Variants in KLHL29 observed in about 807,000 individuals in gnomAD.
The protein encoded by KLHL29 is kelch-like protein 29.
A neutral mutation model predicts 80.4 loss-of-function variants in KLHL29; 21 were observed. That is an observed-to-expected ratio of 0.26 (90% CI 0.19 to 0.38). The LOEUF (loss-of-function observed/expected upper bound fraction) is 0.38. Among genes scored for constraint, KLHL29 ranks in the 10% least tolerant of loss-of-function variants. KLHL29 has a pLI of 1.00. For synonymous variants in KLHL29, 511 were observed against 526.8 expected, an observed-to-expected ratio of 0.97 and a Z score of 0.41; for missense variants, 867 against 1,223.9, an observed-to-expected ratio of 0.71 and a Z score of 4.35.
chr2:23,602,280 C>A (rs547351991), intron 3 of KLHL29, among the ~76,000 whole-genome samples: 1 of 152,328 alleles, frequency 6.6e-6, no homozygotes, highest in African/African-American at 2.4e-5. Flanking sequence ...CGTCCCAGCA[C>A]CCCCCTGCCC....
chr2:23,650,036 C>T (rs1443609228), intron 5 of KLHL29, among the ~76,000 whole-genome samples: 1 of 152,234 alleles, frequency 6.6e-6, no homozygotes, highest in Non-Finnish European at 1.5e-5. Flanking sequence ...GGCTTCTCTC[C>T]TGAGCCAGGC....
intron 3 of KLHL29, among the ~76,000 whole-genome samples, chr2:23,609,727 TACA>T (rs1392265684): frequency 6.6e-6 from 1 of 152,190 alleles, no homozygotes; most frequent in Non-Finnish European, 1.5e-5. Context: ...CAGAGCCTAC[TACA>T]AGCACTTTGC....
intron 1 of KLHL29, among the ~76,000 whole-genome samples, chr2:23,459,779 A>C (rs1391585147): frequency 6.6e-6 from 1 of 152,162 alleles, no homozygotes; most frequent in East Asian, 1.9e-4. Flanking sequence ...CCAGTGTTGA[A>C]AGCTTCTGGG....
intron 1 of KLHL29, among the ~76,000 whole-genome samples, chr2:23,434,139 G>A (rs1463220722): frequency 1.3e-5 from 2 of 151,976 alleles, no homozygotes; most frequent in Non-Finnish European, 2.9e-5. Context: ...GGCTAACACG[G>A]TGAAACCCCG....
At chr2:23,587,245 C>CTTTTTT (rs34675398) in intron 3 of KLHL29, among the ~76,000 whole-genome samples, 1 of 146,766 alleles carries the variant, frequency 6.8e-6, no homozygotes, top group South Asian at 2.2e-4. Context: ...GGCCAATTTA[C>CTTTTTT]TTTTTTTTTT....
At chr2:23,403,894 TG>T (rs1364790684) in intron 1 of KLHL29, among the ~76,000 whole-genome samples, 2 of 151,844 alleles carry the variant, frequency 1.3e-5, no homozygotes, top group Non-Finnish European at 2.9e-5. Context: ...CCAGAAGAGG[TG>T]GGGGGTAGCT....
chr2:23,674,826 G>A (rs1022878062), intron 5 of KLHL29, among the ~76,000 whole-genome samples: 2 of 151,906 alleles, frequency 1.3e-5, no homozygotes, highest in African/African-American at 4.8e-5. Context: ...CCCCTGGTGG[G>A]GCCAACTACC....
chr2:23,467,728 T>C (rs1664389835), intron 1 of KLHL29, among the ~76,000 whole-genome samples: 1 of 152,210 alleles, frequency 6.6e-6, no homozygotes, highest in Non-Finnish European at 1.5e-5. Context: ...GATTTTGGTT[T>C]ACCAATCGCT....
rs961123618 is a variant in KLHL29, at chr2:23,693,608, AG to A, written c.1542+82del. The A allele has an allele frequency of 6.3e-6, 9 of 1,418,652 alleles. No individual in the cohort carries two copies. The African/African-American group carries it at 9.9e-5, about 16-fold the overall frequency. 87.9% of individuals were successfully genotyped at this position (1,418,652 alleles called of 1,614,324 possible). On this transcript the variant is annotated intron_variant, in intron 8 of 13. Coordinates refer to ENST00000486442, the MANE Select transcript of KLHL29 (RefSeq NM_052920.2). ...GCAATGGGGTCTGCAGCAAGGAGGA[AG>A]GAAGTGAACCTTCCTTGTCCTGCTC...
At chr2:23,485,486 C>T (rs1478224986) in intron 2 of KLHL29, among the ~76,000 whole-genome samples, 2 of 152,190 alleles carry the variant, frequency 1.3e-5, no homozygotes, top group Non-Finnish European at 2.9e-5. Context: ...CCCCTGGGGA[C>T]ATGGTGCACC....
chr2:23,633,091 A>G (rs1669511980), intron 3 of KLHL29, among the ~76,000 whole-genome samples: 1 of 152,202 alleles, frequency 6.6e-6, no homozygotes, highest in African/African-American at 2.4e-5. Flanking sequence ...GGATGGGCAC[A>G]CCAAAGCTTG....
intron 1 of KLHL29, among the ~76,000 whole-genome samples, chr2:23,399,790 T>G (rs1335326307): frequency 1.3e-5 from 2 of 152,220 alleles, no homozygotes; most frequent in African/African-American, 4.8e-5. Context: ...GGTTTATGCC[T>G]GTTCTCGATG....
intron 1 of KLHL29, among the ~76,000 whole-genome samples, chr2:23,414,615 A>G (rs1023856172): frequency 6.6e-6 from 1 of 152,144 alleles, no homozygotes; most frequent in East Asian, 1.9e-4. Context: ...TTTCCCCCAA[A>G]GGTATGGGGA....
Position 23,680,298 on chromosome 2 carries a change from A to C in KLHL29, c.941-4101A>C, listed in dbSNP as rs563092650. ...AAGGCCTGCGGATTGCGGGCAGTGGACCGTCTTCCACGGGAAGAGGAGCTC... is the reference window on the plus strand; with the variant it reads ...AAGGCCTGCGGATTGCGGGCAGTGGCCCGTCTTCCACGGGAAGAGGAGCTC... On this transcript the variant is annotated intron_variant, in intron 5 of 13. Coordinates refer to ENST00000486442, the MANE Select transcript of KLHL29 (RefSeq NM_052920.2). The surrounding 1 kb of genome is among the most constrained non-coding windows in gnomAD (Gnocchi z 4.1). 6.6e-6 allele frequency among the ~76,000 whole-genome samples: 1 copy of C among 152,094 alleles called. No homozygotes were observed. Among genetic ancestry groups the C allele is most frequent in the Non-Finnish European group, 1.5e-5 (1 of 67,980 alleles).
At chr2:23,414,901 A>T (rs1003834908) in intron 1 of KLHL29, among the ~76,000 whole-genome samples, 1 of 152,262 alleles carries the variant, frequency 6.6e-6, no homozygotes, top group Non-Finnish European at 1.5e-5. Context: ...AACAGAAACC[A>T]ATCCTGGGTA....
At chr2:23,435,112 A>G (rs921414582) in intron 1 of KLHL29, among the ~76,000 whole-genome samples, 1 of 152,190 alleles carries the variant, frequency 6.6e-6, no homozygotes, top group Non-Finnish European at 1.5e-5. Context: ...ATGTGAATTC[A>G]CTGGGGAAAG....
intron 5 of KLHL29, among the ~76,000 whole-genome samples, chr2:23,676,834 C>G (rs577346555): frequency 6.6e-6 from 1 of 152,224 alleles, no homozygotes; most frequent in South Asian, 2.1e-4. Context: ...GTCATAGAAG[C>G]CTGCAGGAGC....
intron 5 of KLHL29, among the ~76,000 whole-genome samples, chr2:23,656,168 G>A (rs979747982): frequency 1.2e-4 from 19 of 152,216 alleles, no homozygotes; most frequent in African/African-American, 3.9e-4. Flanking sequence ...AGAAGTCAGC[G>A]TCGACTTCAG....
At chr2:23,514,649 G>C (rs2103464679) in intron 2 of KLHL29, among the ~76,000 whole-genome samples, 1 of 152,342 alleles carries the variant, frequency 6.6e-6, no homozygotes, top group Admixed American at 6.5e-5. Context: ...GCCATTGTCA[G>C]TCAGTAAATG....
Sources: allele counts gnomAD v4.1 joint callset (sites outside exome capture counted in the v4.1 genomes callset), GRCh38; gene constraint gnomAD v4.1.1; non-coding constraint Gnocchi (gnomAD v3.1); transcripts MANE v1.5; gene names NCBI Gene and HGNC (gene_info 2026-07-23, HGNC 2026-07-21).